ACOT12: variants seen among roughly 807,000 people sequenced by gnomAD.
ACOT12 encodes acyl-CoA thioesterase 12.
Under a neutral mutation model 67.7 loss-of-function variants are expected in ACOT12, and 51 were observed. That is an observed-to-expected ratio of 0.75 (90% CI 0.60 to 0.95). The LOEUF (loss-of-function observed/expected upper bound fraction) is 0.95, where lower values mean the gene tolerates loss of function less well. Ranked by LOEUF, ACOT12 falls within the 40% of genes least tolerant of loss-of-function variation. The probability of loss-of-function intolerance (pLI) is 0.00; values close to 1 mark genes in which losing one functional copy is unlikely to be tolerated. For missense variants in ACOT12, 734 were observed against 708.1 expected (o/e 1.04, Z -0.41); for synonymous variants, 251 against 244.6 (o/e 1.03, Z -0.24).
At chr5:81,334,362 TAAACAGTC>T (rs1758928919) in intron 12 of ACOT12, among the ~76,000 whole-genome samples, 1 of 152,116 alleles carries the variant, frequency 6.6e-6, no homozygotes, top group African/African-American at 2.4e-5. Context: ...TCAGAAGCCA[TAAACAGTC>T]AACCCTAGAT....
chr5:81,328,861 C>A (rs1758737778), downstream of ACOT12, among the ~76,000 whole-genome samples: 1 of 152,140 alleles, frequency 6.6e-6, no homozygotes, highest in African/African-American at 2.4e-5. Context: ...CTTCTGTGAT[C>A]ATGGAAATAT....
chr5:81,367,567 T>C (rs1760120884), intron 3 of ACOT12, among the ~76,000 whole-genome samples: 1 of 151,916 alleles, frequency 6.6e-6, no homozygotes, highest in South Asian at 2.1e-4. Flanking sequence ...CCAAAACAAA[T>C]ATGTATAGTT....
intron 5 of ACOT12, among the ~76,000 whole-genome samples, chr5:81,349,287 C>A (rs1759481356): frequency 6.6e-6 from 1 of 152,212 alleles, no homozygotes; most frequent in African/African-American, 2.4e-5. Flanking sequence ...CAGTCCCCAG[C>A]TTAAAACAAG....
intron 5 of ACOT12, among the ~76,000 whole-genome samples, chr5:81,354,497 G>T (rs1235719925): frequency 2.6e-5 from 4 of 152,050 alleles, no homozygotes; most frequent in Non-Finnish European, 4.4e-5. Flanking sequence ...CCTTGAGGGG[G>T]GTGTGAAGAC....
intron 2 of ACOT12, among the ~76,000 whole-genome samples, chr5:81,383,267 T>A (rs1760636907): frequency 6.6e-6 from 1 of 152,190 alleles, no homozygotes; most frequent in Middle Eastern, 3.4e-3. Flanking sequence ...TAGTCCCAGC[T>A]ACTCGGGAGG....
Position 81,330,189 on chromosome 5 carries a change from C to T in ACOT12, c.*205G>A. The T allele has an allele frequency of 1.9e-6, 1 of 518,284 alleles. No individual in the cohort carries two copies. The highest frequency in any genetic ancestry group is 3.2e-6 in the Non-Finnish European group (1 of 310,284). The allele number at this position is 518,284 out of a possible 1,614,324, so 32.1% of individuals were successfully genotyped here. A position where few individuals can be genotyped will look rare whatever the true frequency, so the allele number is the denominator to read the frequency against. ...AAGAGGCAGAGCCACAGATGACTTA[C>T]AACAGAATTCTAAAGCTCTTTTAAT... is the stretch of plus-strand genomic sequence containing the variant. On this transcript the variant is annotated 3_prime_UTR_variant, in exon 15 of 15. Coordinates refer to ENST00000307624, the MANE Select transcript of ACOT12 (RefSeq NM_130767.3).
chr5:81,348,306 T>G (rs1759445451), intron 5 of ACOT12, among the ~76,000 whole-genome samples: 1 of 152,174 alleles, frequency 6.6e-6, no homozygotes, highest in East Asian at 1.9e-4. Flanking sequence ...TTATCTTGAT[T>G]GTGGTGATGT....
intron 2 of ACOT12, among the ~76,000 whole-genome samples, chr5:81,381,070 T>C (rs928718583): frequency 2.0e-5 from 3 of 146,518 alleles, no homozygotes; most frequent in African/African-American, 4.9e-5. Flanking sequence ...ATTAAAACCT[T>C]TTTTTTTTTT....
intron 6 of ACOT12, among the ~76,000 whole-genome samples, chr5:81,346,695 T>C (rs953279851): frequency 6.6e-6 from 1 of 152,224 alleles, no homozygotes; most frequent in African/African-American, 2.4e-5. Flanking sequence ...GTTCAATTGC[T>C]TTACTGTCAC....
the ACOT12 span, among the ~76,000 whole-genome samples, chr5:81,323,806 T>C: frequency 6.6e-6 from 1 of 150,474 alleles, no homozygotes; most frequent in Non-Finnish European, 1.5e-5. Context: ...ATAGGTTTTA[T>C]ATATATATGT....
chr5:81,320,677 C>G, the ACOT12 span, among the ~76,000 whole-genome samples: 4 of 152,082 alleles, frequency 2.6e-5, no homozygotes, highest in Non-Finnish European at 5.9e-5. Context: ...CAAAAACACA[C>G]AAGAAAATAT....
At chr5:81,335,344 A>G (rs1050471019) in intron 12 of ACOT12, among the ~76,000 whole-genome samples, 8 of 152,212 alleles carry the variant, frequency 5.3e-5, no homozygotes, top group African/African-American at 1.9e-4. Context: ...CACCTGATGC[A>G]GTATTCTGTC....
intron 2 of ACOT12, among the ~76,000 whole-genome samples, chr5:81,377,107 C>A (rs144069159): frequency 0.038 from 5,716 of 152,182 alleles, 319 homozygotes; most frequent in African/African-American, 0.12. Context: ...ACTGGCAAAC[C>A]GAATCCAGCA....
At chr5:81,368,317 G>A (rs1760144798) in intron 3 of ACOT12, among the ~76,000 whole-genome samples, 1 of 151,884 alleles carries the variant, frequency 6.6e-6, no homozygotes, top group Non-Finnish European at 1.5e-5. Flanking sequence ...TAATAATACA[G>A]AAGACTTGAA....
chr5:81,367,787 A>T (rs949899912), intron 3 of ACOT12, among the ~76,000 whole-genome samples: 1 of 152,182 alleles, frequency 6.6e-6, no homozygotes, highest in Non-Finnish European at 1.5e-5. Flanking sequence ...TAGAATAAAT[A>T]AAAAAATAGC....
rs1758859672 is a variant in ACOT12, at chr5:81,332,489, G to C, written c.1379C>G (p.Pro460Arg). ...TGCATATACTCACCCATCTTTGAGGGGTTTTCTTCGTGATACGAGTACTAC... is the reference window on the plus strand; with the variant it reads ...TGCATATACTCACCCATCTTTGAGGCGTTTTCTTCGTGATACGAGTACTAC... Reference protein sequence around the residue: ...DLVVLVSRRKPLKDGNTYTVA... With the variant: ...DLVVLVSRRKRLKDGNTYTVA... The change falls in exon 13 of 15, where the codon CCC becomes CGC. Residue 460 changes from proline to arginine, a missense_variant. By Grantham distance (103) the Pro-to-Arg change is moderately radical. Coordinates refer to ENST00000307624, the MANE Select transcript of ACOT12 (RefSeq NM_130767.3). The C allele has an allele frequency of 6.2e-7, 1 of 1,613,726 alleles. No individual in the cohort carries two copies. The highest frequency in any genetic ancestry group is 1.7e-5 in the Admixed American group (1 of 59,974).
In ACOT12 at chr5:81,385,678, A is replaced by G. The variant is rs1255878394; in HGVS notation, c.197+79T>C. ...ACAAGATCACTACCTCTGCCTGAAT[A>G]AGCTCAGGTGCCACCAATACATGTC... On this transcript the variant is annotated intron_variant, in intron 2 of 14. Transcript: ENST00000307624. The G allele has an allele frequency of 3.8e-6, 5 of 1,305,030 alleles. No individual in the cohort carries two copies. The East Asian group carries it at 1.2e-4, about 30-fold the overall frequency. 80.8% of individuals were successfully genotyped at this position (1,305,030 alleles called of 1,614,324 possible).
At chr5:81,393,913 C>A (rs866354153) in intron 1 of ACOT12, 75 bp downstream of exon 1, 1 of 1,229,850 alleles carries the variant, frequency 8.1e-7, no homozygotes, top group Non-Finnish European at 1.0e-6. Flanking sequence ...GCCTTCCTAC[C>A]CCCCCCAGCC....
rs187476339 is a variant in ACOT12, at chr5:81,380,921, G to A, written c.197+4836C>T. Among the ~76,000 whole-genome samples the A allele has an allele frequency of 1.7e-3, 251 of 152,106 alleles. 2 individuals are homozygous for A. The highest frequency in any genetic ancestry group is 5.7e-3 in the African/African-American group (237 of 41,484). On this transcript the variant is annotated intron_variant, in intron 2 of 14. Coordinates refer to ENST00000307624, the MANE Select transcript of ACOT12 (RefSeq NM_130767.3). ...AGCCTCCTACACACCTAGGCTATACGGTATAGCCTATTGCTCCTAGGCTAC... is the reference window on the plus strand; with the variant it reads ...AGCCTCCTACACACCTAGGCTATACAGTATAGCCTATTGCTCCTAGGCTAC...
Sources: gnomAD v4.1 joint callset for allele counts (sites outside exome capture counted in the v4.1 genomes callset) on GRCh38, gnomAD v4.1.1 for gene constraint, MANE v1.5 for transcripts, NCBI Gene and HGNC (gene_info 2026-07-23, HGNC 2026-07-21) for gene names.